The following ZNF682 variants were observed in gnomAD, a reference collection of about 807,000 sequenced individuals.
The protein encoded by ZNF682 is zinc finger protein 682.
In ZNF682, 29 loss-of-function variants were observed where a neutral mutation model predicts 36.5. That is an observed-to-expected ratio of 0.80 (90% CI 0.59 to 1.08). ZNF682 has a LOEUF of 1.08. Ranked by LOEUF, ZNF682 falls within the 50% of genes least tolerant of loss-of-function variation. The probability of loss-of-function intolerance (pLI) is 0.00; values close to 1 mark genes in which losing one functional copy is unlikely to be tolerated. For missense variants in ZNF682, 561 were observed against 579.7 expected, an observed-to-expected ratio of 0.97 and a Z score of 0.33; for synonymous variants, 180 against 197.0, an observed-to-expected ratio of 0.91 and a Z score of 0.72.
rs1258835591 is a variant in ZNF682, at chr19:20,006,137, A to G, written c.1365T>C (p.Cys455=). 2 of 1,613,068 alleles carry G rather than the reference A, an allele frequency of 1.2e-6. No individual in the cohort carries two copies. The highest frequency in any genetic ancestry group is 1.7e-6 in the Non-Finnish European group (2 of 1,179,190). ...KIHTAVKRYK[C]EECGKAFKRC... ...GTTTAAAAGCTTTGCCACATTCTTC[A>G]CATTTATAGCGTTTGACGGCAGTAT... is the stretch of plus-strand genomic sequence containing the variant. The change falls in exon 4 of 4, where the codon TGT becomes TGC. Residue 455 remains cysteine, a synonymous_variant. Coordinates refer to ENST00000397165, the MANE Select transcript of ZNF682 (RefSeq NM_033196.3).
At chr19:20,015,883 A>G (rs2088330457) in intron 3 of ZNF682, 1 of 397,906 alleles carries the variant, frequency 2.5e-6, no homozygotes, top group Non-Finnish European at 4.4e-6. Flanking sequence ...TTACTGTAAG[A>G]ACAATATAAA....
chr19:20,034,206 G>A (rs1224393503), intron 1 of ZNF682: 1 of 152,186 alleles, frequency 6.6e-6, no homozygotes, highest in East Asian at 1.9e-4. Context: ...GCATTCTGAA[G>A]AACAGATACA....
intron 3 of ZNF682, among the ~76,000 whole-genome samples, chr19:20,010,326 T>C (rs1344871007): frequency 6.6e-6 from 1 of 152,152 alleles, no homozygotes; most frequent in Non-Finnish European, 1.5e-5. Flanking sequence ...GATATCAATA[T>C]TAACCTTGAA....
chr19:20,028,625 A>G (rs752133980), intron 1 of ZNF682, among the ~76,000 whole-genome samples: 4 of 152,176 alleles, frequency 2.6e-5, no homozygotes, highest in Admixed American at 1.3e-4. Flanking sequence ...GCCACAGCAC[A>G]CAGTCCCTTA....
Position 20,007,140 on chromosome 19 carries a change from C to A in ZNF682, c.362G>T (p.Gly121Val), listed in dbSNP as rs373696511. The change falls in exon 4 of 4, where the codon GGT becomes GTT. Residue 121 changes from glycine (G) to valine (V), a missense_variant. Physicochemically the swap from Gly to Val is moderately radical, Grantham distance 109 (BLOSUM62 -3). Transcript: ENST00000397165. Reference protein sequence around the residue: ...LHLRKDGENVGECKDQKEIYN... With the variant: ...LHLRKDGENVVECKDQKEIYN... ...AATTTCTTTTTGATCCTTACACTCA[C>A]CCACATTTTCCCCATCCTTCCTTAA... 1.2e-6 allele frequency: 2 copies of A among 1,613,576 alleles called. No homozygotes were observed. Among genetic ancestry groups the A allele is most frequent in the South Asian group, 1.1e-5 (1 of 91,082 alleles).
chr19:19,995,759 G>GA (rs201349065), downstream of ZNF682, among the ~76,000 whole-genome samples: 7,313 of 123,500 alleles, frequency 0.059, 345 homozygotes, highest in East Asian at 0.21. Flanking sequence ...ACATGAAGAG[G>GA]AAAAAAAAAA....
rs931902299 is a variant in ZNF682, at chr19:20,004,884, C to A, written c.*1121G>T. 4.6e-5 allele frequency: 7 copies of A among 152,112 alleles called. No homozygotes were observed. Among genetic ancestry groups the A allele is most frequent in the Admixed American group, 4.6e-4 (7 of 15,264 alleles). The allele number at this position is 152,112 out of a possible 1,614,324, so 9.4% of individuals were successfully genotyped here. A position where few individuals can be genotyped will look rare whatever the true frequency, so the allele number is the denominator to read the frequency against. On this transcript the variant is annotated 3_prime_UTR_variant, in exon 4 of 4. Coordinates refer to ENST00000397165, the MANE Select transcript of ZNF682 (RefSeq NM_033196.3). ...GTTTAAGTCTCAAAATATTAATCTC[C>A]TATTTCTGTTTAGGCTAACTAAATT...
At chr19:20,016,259 C>G (rs2122340804) in intron 3 of ZNF682, among the ~76,000 whole-genome samples, 1 of 152,170 alleles carries the variant, frequency 6.6e-6, no homozygotes, top group East Asian at 1.9e-4. Flanking sequence ...TATAAATTTC[C>G]AAATGTCATC....
chr19:20,034,851 C>G (rs1045741943), intron 1 of ZNF682, among the ~76,000 whole-genome samples: 8 of 152,098 alleles, frequency 5.3e-5, no homozygotes, highest in Admixed American at 4.6e-4. Flanking sequence ...AATCCAAGCA[C>G]TTTGGGAGGC....
downstream of ZNF682, among the ~76,000 whole-genome samples, chr19:19,999,531 TTTTC>T (rs146562611): frequency 2.1e-3 from 324 of 152,194 alleles, 1 homozygote; most frequent in East Asian, 7.5e-3. Flanking sequence ...TTTCTTTTTC[TTTTC>T]TTTCTTTTTT....
chr19:20,006,078 T>C lies in ZNF682; in HGVS notation c.1424A>G (p.Gln475Arg). The C allele has an allele frequency of 1.2e-6, 2 of 1,613,002 alleles. No individual in the cohort carries two copies. Among genetic ancestry groups the C allele is most frequent in the Non-Finnish European group, 1.7e-6 (2 of 1,179,210 alleles). ...ATACTTGCAGGATTTCTCTCCTCTT[T>C]GAACTCTCTTATGTTCATTAAGATG... ...CSHLNEHKRV[Q>R]RGEKSCKYKK... The change falls in exon 4 of 4, where the codon CAA (glutamine) becomes CGA (arginine). Residue 475 changes from glutamine to arginine, a missense_variant. Gln to Arg is a conservative substitution (Grantham distance 43, BLOSUM62 1). Transcript: ENST00000397165.
chr19:20,039,361 A>G lies in ZNF682; in HGVS notation c.-16T>C, dbSNP rs745691569. Reference sequence around the variant, plus strand: ...CACTCACCATTTTTCGGCTTCCGGGATGTCGTGGAGTCTTAGCTCTGGATC... The same window carrying G: ...CACTCACCATTTTTCGGCTTCCGGGGTGTCGTGGAGTCTTAGCTCTGGATC... On this transcript the variant is annotated 5_prime_UTR_variant, in exon 1 of 4. Coordinates refer to ENST00000397165, the MANE Select transcript of ZNF682 (RefSeq NM_033196.3). 25 of 1,612,170 alleles carry G rather than the reference A, an allele frequency of 1.6e-5. No individual in the cohort carries two copies. The highest frequency in any genetic ancestry group is 1.4e-5 in the Non-Finnish European group (17 of 1,179,922).
chr19:20,015,409 G>C, intron 3 of ZNF682: 1 of 984,504 alleles, frequency 1.0e-6, no homozygotes, highest in South Asian at 4.7e-5. Context: ...TCTGACTTTT[G>C]CCTCACACTG....
chr19:20,035,146 T>C (rs551051325), intron 1 of ZNF682, among the ~76,000 whole-genome samples: 19 of 152,302 alleles, frequency 1.2e-4, no homozygotes, highest in African/African-American at 4.1e-4. Context: ...CCTATAATCA[T>C]ACCTGTTGGA....
chr19:20,007,100 G>C lies in ZNF682; in HGVS notation c.402C>G (p.Asn134Lys). 1 of 1,613,510 alleles carries C rather than the reference G, an allele frequency of 6.2e-7. No homozygotes were observed. ...TGCTAGGTAGAGTTGACAAACATTG[G>C]TTAAGTCCATTATAAATTTCTTTTT... ...KDQKEIYNGL[N>K]QCLSTLPSKI... The change falls in exon 4 of 4, where the codon AAC (asparagine) becomes AAG (lysine). Residue 134 changes from asparagine (N) to lysine (K), a missense_variant. Coordinates refer to ENST00000397165, the MANE Select transcript of ZNF682 (RefSeq NM_033196.3).
intron 1 of ZNF682, among the ~76,000 whole-genome samples, chr19:20,036,131 G>A (rs563012121): frequency 6.6e-6 from 1 of 152,214 alleles, no homozygotes; most frequent in Admixed American, 6.5e-5. Flanking sequence ...AGAAACCAAG[G>A]TACAGAGCGT....
At chr19:20,037,750 C>T (rs761025061) in intron 1 of ZNF682, among the ~76,000 whole-genome samples, 14 of 152,116 alleles carry the variant, frequency 9.2e-5, no homozygotes, top group African/African-American at 3.4e-4. Flanking sequence ...TTTTTTTTCT[C>T]TCTTCACCAA....
At chr19:20,014,726 G>C (rs2088320221) in intron 3 of ZNF682, among the ~76,000 whole-genome samples, 1 of 150,536 alleles carries the variant, frequency 6.6e-6, no homozygotes, top group African/African-American at 2.5e-5. Flanking sequence ...GTTGAAGTGA[G>C]CCGAGATTGC....
At chr19:20,019,178 GT>G (rs2088363001) in intron 3 of ZNF682, among the ~76,000 whole-genome samples, 1 of 151,906 alleles carries the variant, frequency 6.6e-6, no homozygotes. Context: ...CCAACACAAA[GT>G]AAAATCACAG....
Sources: gnomAD v4.1 joint callset for allele counts (sites outside exome capture counted in the v4.1 genomes callset) on GRCh38, gnomAD v4.1.1 for gene constraint, MANE v1.5 for transcripts, NCBI Gene and HGNC (gene_info 2026-07-23, HGNC 2026-07-21) for gene names.